PTPRD: variants seen among roughly 807,000 people sequenced by gnomAD.
The protein encoded by PTPRD is receptor-type tyrosine-protein phosphatase delta.
Under a neutral mutation model 214.5 loss-of-function variants are expected in PTPRD, and 34 were observed. That is an observed-to-expected ratio of 0.16 (90% confidence interval 0.12 to 0.21). The LOEUF (loss-of-function observed/expected upper bound fraction) is 0.21. Among genes scored for constraint, PTPRD ranks in the 10% least tolerant of loss-of-function variants. The pLI, the probability that PTPRD is intolerant of heterozygous loss-of-function variation, is 1.00. For synonymous variants in PTPRD, 1,128 were observed against 845.7 expected, an observed-to-expected ratio of 1.33 and a Z score of -5.79; for missense variants, 2,545 against 2,398.7, an observed-to-expected ratio of 1.06 and a Z score of -1.27.
At chr9:10,442,896 C>T (rs543061616) in intron 2 of PTPRD, among the ~76,000 whole-genome samples, 1 of 151,540 alleles carries the variant, frequency 6.6e-6, no homozygotes, top group South Asian at 2.1e-4. Context: ...GAAAAACTGA[C>T]AAATTACCCT....
intron 27 of PTPRD, among the ~76,000 whole-genome samples, chr9:8,491,548 C>T (rs72694727): frequency 3.2e-3 from 482 of 151,534 alleles, no homozygotes; most frequent in African/African-American, 4.3e-3. Context: ...TTGTTGTTGA[C>T]GTTCTAACAG....
intron 2 of PTPRD, among the ~76,000 whole-genome samples, chr9:10,460,821 T>C (rs553113833): frequency 5.5e-4 from 83 of 152,230 alleles, no homozygotes; most frequent in African/African-American, 1.9e-3. Flanking sequence ...CTCCTTGACA[T>C]TAGTCTTAGC....
At chr9:9,965,252 A>C (rs756568641) in intron 4 of PTPRD, among the ~76,000 whole-genome samples, 4 of 152,150 alleles carry the variant, frequency 2.6e-5, no homozygotes, top group Non-Finnish European at 4.4e-5. Flanking sequence ...GTGGTTGTTA[A>C]TTTTACTTTG....
At chr9:10,175,272 ATTAT>A (rs2154300912) in intron 3 of PTPRD, among the ~76,000 whole-genome samples, 1 of 152,126 alleles carries the variant, frequency 6.6e-6, no homozygotes, top group South Asian at 2.1e-4. Context: ...ATATACTACT[ATTAT>A]TTATTGTCAG....
chr9:8,687,003 G>T (rs1172225073), intron 12 of PTPRD, among the ~76,000 whole-genome samples: 1 of 152,082 alleles, frequency 6.6e-6, no homozygotes, highest in Non-Finnish European at 1.5e-5. Flanking sequence ...GTGTAACATT[G>T]CTTTTCACTC....
chr9:9,356,918 T>G (rs2054022478), intron 9 of PTPRD, among the ~76,000 whole-genome samples: 1 of 151,368 alleles, frequency 6.6e-6, no homozygotes, highest in Non-Finnish European at 1.5e-5. Flanking sequence ...GCAGCAGAAT[T>G]ATAGTTAACA....
intron 2 of PTPRD, among the ~76,000 whole-genome samples, chr9:10,537,020 G>A (rs1231434046): frequency 6.6e-6 from 1 of 152,052 alleles, no homozygotes; most frequent in African/African-American, 2.4e-5. Context: ...TCCCATAATT[G>A]GGTTGGGCAT....
At chr9:10,573,131 T>C (rs1192354514) in intron 2 of PTPRD, among the ~76,000 whole-genome samples, 1 of 152,084 alleles carries the variant, frequency 6.6e-6, no homozygotes, top group East Asian at 1.9e-4. Flanking sequence ...ACGTGATGCC[T>C]CCAACACCTC....
chr9:9,885,780 G>T (rs1232230225), intron 5 of PTPRD, among the ~76,000 whole-genome samples: 1 of 151,826 alleles, frequency 6.6e-6, no homozygotes, highest in Non-Finnish European at 1.5e-5. Flanking sequence ...TTAGACTTCT[G>T]ATCTCCAGAA....
At chr9:9,324,344 A>G (rs1364386328) in intron 9 of PTPRD, among the ~76,000 whole-genome samples, 2 of 152,154 alleles carry the variant, frequency 1.3e-5, no homozygotes, top group African/African-American at 2.4e-5. Flanking sequence ...CAACCTCTCC[A>G]GCACCTGTTG....
intron 36 of PTPRD, among the ~76,000 whole-genome samples, chr9:8,396,062 G>C (rs770423458): frequency 6.6e-6 from 1 of 152,042 alleles, no homozygotes; most frequent in Non-Finnish European, 1.5e-5. Context: ...AAGCAATGAA[G>C]TAGTCAACAA....
intron 7 of PTPRD, among the ~76,000 whole-genome samples, chr9:9,627,580 C>T (rs192643044): frequency 1.1e-4 from 16 of 152,166 alleles, no homozygotes; most frequent in African/African-American, 3.6e-4. Context: ...TAAAGTGTAA[C>T]ACAAACTGTA....
intron 3 of PTPRD, among the ~76,000 whole-genome samples, chr9:10,283,395 C>G (rs373982566): frequency 6.6e-6 from 1 of 152,096 alleles, no homozygotes; most frequent in East Asian, 1.9e-4. Context: ...TGCTATTTAT[C>G]CCTAGAAATA....
chr9:10,229,152 A>G (rs1278881411), intron 3 of PTPRD, among the ~76,000 whole-genome samples: 2 of 152,094 alleles, frequency 1.3e-5, no homozygotes, highest in Non-Finnish European at 2.9e-5. Flanking sequence ...CCACAATGAG[A>G]TACTATCTCA....
At chr9:8,384,415 A>C (rs964895969) in intron 37 of PTPRD, among the ~76,000 whole-genome samples, 2 of 152,228 alleles carry the variant, frequency 1.3e-5, no homozygotes, top group African/African-American at 4.8e-5. Flanking sequence ...GGGAAAAAAA[A>C]CCACTAACAG....
chr9:9,787,611 C>T (rs775647080), intron 5 of PTPRD, among the ~76,000 whole-genome samples: 38 of 151,314 alleles, frequency 2.5e-4, no homozygotes, highest in Non-Finnish European at 5.0e-4. Context: ...GAAAAACATA[C>T]CAGGTAAAAG....
intron 3 of PTPRD, among the ~76,000 whole-genome samples, chr9:10,284,779 GGA>G (rs56899116): frequency 6.6e-6 from 1 of 150,842 alleles, no homozygotes. Flanking sequence ...AAGGCCAGGA[GGA>G]GAGAGAGAGA....
chr9:9,094,448 T>C (rs889607064), intron 10 of PTPRD, among the ~76,000 whole-genome samples: 3 of 152,122 alleles, frequency 2.0e-5, no homozygotes, highest in African/African-American at 7.2e-5. Context: ...ATGTTCCCAC[T>C]TATAAGTGGG....
chr9:10,155,070 A>G (rs907781433), intron 3 of PTPRD, among the ~76,000 whole-genome samples: 5 of 152,070 alleles, frequency 3.3e-5, no homozygotes, highest in Non-Finnish European at 7.4e-5. Flanking sequence ...GATTTTTCCT[A>G]TCCATGAGCA....
Sources: allele counts gnomAD v4.1 joint callset (sites outside exome capture counted in the v4.1 genomes callset), GRCh38; gene constraint gnomAD v4.1.1; transcripts MANE v1.5; gene names NCBI Gene and HGNC (gene_info 2026-07-23, HGNC 2026-07-21).